OTULINL: variants seen among roughly 807,000 people sequenced by gnomAD.
The protein encoded by OTULINL is inactive ubiquitin thioesterase OTULINL.
A neutral mutation model predicts 43.9 loss-of-function variants in OTULINL; 42 were observed. That is an observed-to-expected ratio of 0.96 (90% CI 0.75 to 1.24). The LOEUF (loss-of-function observed/expected upper bound fraction) is 1.24, where lower values mean the gene tolerates loss of function less well. Ranked by LOEUF, OTULINL falls within the 50% of genes most tolerant of loss-of-function variation. OTULINL has a pLI of 0.00. For synonymous variants in OTULINL, 172 were observed against 153.6 expected (o/e 1.12, Z -0.88); for missense variants, 411 against 426.4 (o/e 0.96, Z 0.32).
At chr5:14,603,144 G>T (rs1284758989) in intron 5 of OTULINL, among the ~76,000 whole-genome samples, 5 of 152,206 alleles carry the variant, frequency 3.3e-5, no homozygotes, top group South Asian at 2.1e-4. Flanking sequence ...GAATGTGTCT[G>T]TGAATTTGTA....
chr5:14,602,139 G>A, intron 4 of OTULINL, 44 bp from the exon 5 acceptor site: 1 of 1,478,952 alleles, frequency 6.8e-7, no homozygotes, highest in South Asian at 1.4e-5. Flanking sequence ...TTATTTTCTT[G>A]TCCAGTGGAA....
Position 14,602,211 on chromosome 5 carries a change from A to G in OTULINL, c.377A>G (p.His126Arg), listed in dbSNP as rs1050857858. Residue 126 changes from histidine to arginine, a missense_variant, in exon 5 of 8, where the codon CAC becomes CGC. Transcript: ENST00000274217. ...TATGAGGAGCTATTTTGGCGGCATC[A>G]CATTAAATGTGTTCGACAAGTAAGG... ...KAYEELFWRHHIKCVRQVRRD... is the reference protein window; with the variant it reads ...KAYEELFWRHRIKCVRQVRRD... 1.2e-6 allele frequency: 2 copies of G among 1,605,496 alleles called. No homozygotes were observed. The highest frequency in any genetic ancestry group is 1.7e-6 in the Non-Finnish European group (2 of 1,176,302).
rs1262242435 is a variant in OTULINL, at chr5:14,601,345, G to C, written c.257-6G>C. The C allele has an allele frequency of 6.2e-7, 1 of 1,613,864 alleles. No individual in the cohort carries two copies. ...TTAACAGCTTTTTATTTTTTATTTG[G>C]TCCAGGGAACCTCAGTGTGGAGGCA... On this transcript the variant is annotated splice_polypyrimidine_tract_variant and splice_region_variant and intron_variant, in intron 3 of 7. Coordinates refer to ENST00000274217, the MANE Select transcript of OTULINL (RefSeq NM_019018.3).
In OTULINL at chr5:14,610,607, A is replaced by G; in HGVS notation, c.*293A>G. On this transcript the variant is annotated 3_prime_UTR_variant, in exon 8 of 8. Coordinates refer to ENST00000274217, the MANE Select transcript of OTULINL (RefSeq NM_019018.3). ...CTTTAAGAGCACAAAGAAGTTTAAT[A>G]TGGACAACAACAGGAAAAAGCAAGA... is the stretch of plus-strand genomic sequence containing the variant. 4.1e-6 allele frequency: 1 copy of G among 243,796 alleles called. No individual in the cohort carries two copies. The highest frequency in any genetic ancestry group is 8.0e-6 in the Non-Finnish European group (1 of 124,346). 15.1% of individuals were successfully genotyped at this position (243,796 alleles called of 1,614,324 possible).
intron 1 of OTULINL, among the ~76,000 whole-genome samples, chr5:14,589,715 C>A (rs1759166017): frequency 6.6e-6 from 1 of 152,100 alleles, no homozygotes; most frequent in African/African-American, 2.4e-5. Context: ...CTTTGGGAGG[C>A]CGAGGTGGGT....
intron 5 of OTULINL, among the ~76,000 whole-genome samples, chr5:14,602,636 G>A (rs1021178387): frequency 4.6e-5 from 7 of 151,992 alleles, no homozygotes; most frequent in Admixed American, 2.0e-4. Flanking sequence ...AGGGTTTTCC[G>A]TGTTGCCCAG....
intron 1 of OTULINL, among the ~76,000 whole-genome samples, chr5:14,593,395 G>A (rs1228223122): frequency 1.3e-5 from 2 of 152,094 alleles, no homozygotes; most frequent in Non-Finnish European, 2.9e-5. Context: ...GTACCTTCTT[G>A]GGGTCATCAA....
Position 14,615,917 on chromosome 5 carries a change from C to T in OTULINL, c.*5603C>T, listed in dbSNP as rs1258091834. On this transcript the variant is annotated 3_prime_UTR_variant, in exon 8 of 8. Coordinates refer to ENST00000274217, the MANE Select transcript of OTULINL (RefSeq NM_019018.3). ...CTCTTCTTTGTACTATACAGAAGGA[C>T]ACACCACAGATCCTCTTTTTAAAGC... Among the ~76,000 whole-genome samples, 3 of 152,174 alleles carry T rather than the reference C, an allele frequency of 2.0e-5. No homozygotes were observed. Among genetic ancestry groups the T allele is most frequent in the African/African-American group, 7.2e-5 (3 of 41,434 alleles).
intron 1 of OTULINL, among the ~76,000 whole-genome samples, chr5:14,584,957 G>A (rs1409374492): frequency 1.3e-5 from 2 of 152,186 alleles, no homozygotes; most frequent in African/African-American, 2.4e-5. Context: ...GTGATCAAAA[G>A]GTGAGTAGGC....
intron 5 of OTULINL, among the ~76,000 whole-genome samples, chr5:14,605,194 C>G (rs1384546458): frequency 6.6e-6 from 1 of 152,224 alleles, no homozygotes; most frequent in Non-Finnish European, 1.5e-5. Flanking sequence ...TACCCACAGG[C>G]CCAACACCAC....
intron 1 of OTULINL, among the ~76,000 whole-genome samples, chr5:14,583,206 C>T (rs1215651196): frequency 6.6e-6 from 1 of 152,190 alleles, no homozygotes; most frequent in African/African-American, 2.4e-5. Flanking sequence ...AGTCAGAGGA[C>T]ATCATTCTGA....
chr5:14,585,607 AG>A (rs991173548), intron 1 of OTULINL, among the ~76,000 whole-genome samples: 20 of 152,174 alleles, frequency 1.3e-4, no homozygotes, highest in African/African-American at 4.8e-4. Context: ...TGTAGCACCC[AG>A]TGCTTGTCCC....
chr5:14,589,533 C>A (rs1397975652), intron 1 of OTULINL, among the ~76,000 whole-genome samples: 1 of 152,182 alleles, frequency 6.6e-6, no homozygotes, highest in Non-Finnish European at 1.5e-5. Flanking sequence ...CTTGCCTGGA[C>A]TGAGAGATGT....
chr5:14,602,828 G>T (rs570419029), intron 5 of OTULINL, among the ~76,000 whole-genome samples: 9 of 152,282 alleles, frequency 5.9e-5, no homozygotes, highest in African/African-American at 1.7e-4. Context: ...ATCTGTGTTT[G>T]TTTTTAATGC....
At chr5:14,609,075 A>G in intron 7 of OTULINL, 58 bp downstream of exon 7, 2 of 1,548,372 alleles carry the variant, frequency 1.3e-6, no homozygotes, top group Non-Finnish European at 1.8e-6. Context: ...CACTATTTGA[A>G]CACAGAGGTG....
At chr5:14,605,919 G>A (rs116389382) in intron 5 of OTULINL, among the ~76,000 whole-genome samples, 1,907 of 152,164 alleles carry the variant, frequency 0.013, 23 homozygotes, top group South Asian at 0.022. Context: ...ACGTTTTCCT[G>A]TCCTCTTCTG....
intron 5 of OTULINL, among the ~76,000 whole-genome samples, chr5:14,606,423 C>G (rs1224690632): frequency 6.6e-6 from 1 of 152,086 alleles, no homozygotes; most frequent in Admixed American, 6.5e-5. Context: ...AAAAAGAAAA[C>G]AAAACAAAAC....
At position 14,600,066 on chromosome 5, in the gene OTULINL, C is replaced by G. The variant is rs549509313; in HGVS notation, c.65-899C>G. On this transcript the variant is annotated intron_variant, in intron 1 of 7. Coordinates refer to ENST00000274217, the MANE Select transcript of OTULINL (RefSeq NM_019018.3). The stretch of plus-strand genomic sequence containing the variant: ...GATATGGTTTGGCTCTGTCCCTACA[C>G]AAATCTCATCTTGAATTATATAATC... 1.6e-3 allele frequency among the ~76,000 whole-genome samples: 244 copies of G among 152,326 alleles called. 1 individual carries two copies. The highest frequency in any genetic ancestry group is 5.5e-3 in the African/African-American group (230 of 41,570).
chr5:14,593,458 C>T (rs905895605), intron 1 of OTULINL, among the ~76,000 whole-genome samples: 3 of 152,086 alleles, frequency 2.0e-5, no homozygotes, highest in Admixed American at 6.5e-5. Flanking sequence ...GACAAGAGTC[C>T]TTTGCTCATT....
Sources: gnomAD v4.1 joint callset for allele counts (sites outside exome capture counted in the v4.1 genomes callset) on GRCh38, gnomAD v4.1.1 for gene constraint, MANE v1.5 for transcripts, NCBI Gene and HGNC (gene_info 2026-07-23, HGNC 2026-07-21) for gene names.